The following ADK variants were observed in gnomAD, a reference collection of about 807,000 sequenced individuals.
ADK encodes adenosine kinase.
ADK carries 24 observed loss-of-function variants against 44.7 expected under a neutral mutation model. The ratio of observed to expected loss-of-function variants is 0.54; its 90% CI spans 0.39 to 0.76. The LOEUF (loss-of-function observed/expected upper bound fraction) is 0.76. ADK is among the 30% of genes least tolerant of loss of function. The pLI is 0.00. For synonymous variants in ADK, 128 were observed against 142.6 expected, an observed-to-expected ratio of 0.90 and a Z score of 0.73; for missense variants, 321 against 425.1, an observed-to-expected ratio of 0.76 and a Z score of 2.15.
intron 3 of ADK, among the ~76,000 whole-genome samples, chr10:74,311,195 A>G (rs995785553): frequency 1.3e-5 from 2 of 152,198 alleles, no homozygotes; most frequent in Middle Eastern, 3.2e-3. Context: ...AAAAGATTAC[A>G]TTGTGCATCA....
At chr10:74,655,991 A>T in intron 9 of ADK, 1 of 671,572 alleles carries the variant, frequency 1.5e-6, no homozygotes, top group Non-Finnish European at 2.8e-6. Flanking sequence ...TGACCATGGG[A>T]ACCGCCTGCT....
intron 9 of ADK, among the ~76,000 whole-genome samples, chr10:74,640,467 C>T (rs181121188): frequency 2.5e-3 from 381 of 152,310 alleles, no homozygotes; most frequent in Non-Finnish European, 4.6e-3. Context: ...TAGGAAGCTT[C>T]CTCTTGTCTT....
chr10:74,483,939 T>C (rs1477479745), intron 6 of ADK, among the ~76,000 whole-genome samples: 1 of 152,224 alleles, frequency 6.6e-6, no homozygotes, highest in East Asian at 1.9e-4. Context: ...GTTCCAAACT[T>C]ACCCGTATCT....
chr10:74,238,880 T>TTTTTTTTA (rs1163588596), intron 3 of ADK, among the ~76,000 whole-genome samples: 2 of 145,884 alleles, frequency 1.4e-5, no homozygotes, highest in African/African-American at 5.3e-5. Flanking sequence ...TTTTTTTTTT[T>TTTTTTTTA]AAGACGGAGT....
intron 3 of ADK, among the ~76,000 whole-genome samples, chr10:74,272,255 T>C (rs1448478334): frequency 6.6e-6 from 1 of 152,162 alleles, no homozygotes; most frequent in Admixed American, 6.5e-5. Context: ...TACTGTGTGA[T>C]GAAAACATTA....
chr10:74,322,127 A>G (rs1009722404), intron 4 of ADK, among the ~76,000 whole-genome samples: 6 of 152,192 alleles, frequency 3.9e-5, no homozygotes, highest in Non-Finnish European at 7.4e-5. Flanking sequence ...CTTGTGACCT[A>G]TTTTACCTAG....
chr10:74,467,434 C>T (rs1310931931), intron 6 of ADK, among the ~76,000 whole-genome samples: 1 of 152,146 alleles, frequency 6.6e-6, no homozygotes, highest in Non-Finnish European at 1.5e-5. Context: ...ATTTATATCT[C>T]CAGGGCTTGC....
chr10:74,503,386 G>A (rs753788249), intron 6 of ADK, among the ~76,000 whole-genome samples: 2 of 152,164 alleles, frequency 1.3e-5, no homozygotes, highest in Non-Finnish European at 2.9e-5. Context: ...AGATTATATA[G>A]GAAAGATAGA....
intron 6 of ADK, among the ~76,000 whole-genome samples, chr10:74,476,349 C>T (rs184738176): frequency 6.2e-4 from 94 of 151,922 alleles, no homozygotes; most frequent in African/African-American, 1.8e-3. Context: ...CAAAATTAGC[C>T]GGGCGTAGTG....
intron 3 of ADK, among the ~76,000 whole-genome samples, chr10:74,277,485 C>T (rs920502324): frequency 6.6e-6 from 1 of 151,168 alleles, no homozygotes; most frequent in Non-Finnish European, 1.5e-5. Flanking sequence ...CAAGCTCCCC[C>T]TCCCGGGTTC....
At chr10:74,343,128 C>T (rs1841640752) in intron 4 of ADK, among the ~76,000 whole-genome samples, 2 of 151,870 alleles carry the variant, frequency 1.3e-5, no homozygotes, top group Non-Finnish European at 2.9e-5. Flanking sequence ...TCTTAGATGC[C>T]CTTTATCAGA....
At chr10:74,679,062 GTTGAGAGATTAAGTAAT>G in intron 10 of ADK, among the ~76,000 whole-genome samples, 2 of 152,330 alleles carry the variant, frequency 1.3e-5, no homozygotes, top group South Asian at 4.2e-4. Flanking sequence ...GCCTTAGAGT[GTTGAGAGATTAAGTAAT>G]TTGCCCAAGG....
At chr10:74,437,792 C>T (rs1376888722) in intron 6 of ADK, among the ~76,000 whole-genome samples, 3 of 152,180 alleles carry the variant, frequency 2.0e-5, no homozygotes, top group Non-Finnish European at 4.4e-5. Context: ...ATAGAATAAA[C>T]TCCAAACTTT....
chr10:74,518,867 G>A (rs1181145095), intron 6 of ADK, among the ~76,000 whole-genome samples: 1 of 151,892 alleles, frequency 6.6e-6, no homozygotes, highest in East Asian at 1.9e-4. Context: ...ATCATACTGT[G>A]TACACACTAT....
At chr10:74,319,243 G>A (rs1840731914) in intron 4 of ADK, among the ~76,000 whole-genome samples, 1 of 152,172 alleles carries the variant, frequency 6.6e-6, no homozygotes, top group Admixed American at 6.5e-5. Flanking sequence ...ATATTAGTTT[G>A]CTAGGGCAGT....
chr10:74,339,453 T>C (rs1177389119), intron 4 of ADK, among the ~76,000 whole-genome samples: 1 of 152,242 alleles, frequency 6.6e-6, no homozygotes, highest in Non-Finnish European at 1.5e-5. Context: ...TTCCTCTGCA[T>C]GTAACATTCT....
At chr10:74,152,864 T>A (rs902405094) in intron 1 of ADK, among the ~76,000 whole-genome samples, 5 of 152,234 alleles carry the variant, frequency 3.3e-5, no homozygotes, top group Admixed American at 2.0e-4. Flanking sequence ...GCAACTAAAA[T>A]TCACTTTATA....
chr10:74,301,007 A>G (rs1214704527), intron 3 of ADK, among the ~76,000 whole-genome samples: 2 of 152,246 alleles, frequency 1.3e-5, no homozygotes, highest in Non-Finnish European at 2.9e-5. Flanking sequence ...TCTGCAATCT[A>G]CATGCTAAAG....
chr10:74,353,540 G>A (rs1042931662), intron 4 of ADK, among the ~76,000 whole-genome samples: 1 of 145,414 alleles, frequency 6.9e-6, no homozygotes, highest in African/African-American at 2.5e-5. Flanking sequence ...AAACCTGCAC[G>A]TTCTGCACAT....
Sources: gnomAD v4.1 joint callset for allele counts (sites outside exome capture counted in the v4.1 genomes callset) on GRCh38, gnomAD v4.1.1 for gene constraint, MANE v1.5 for transcripts, NCBI Gene and HGNC (gene_info 2026-07-23, HGNC 2026-07-21) for gene names.